The following EXOC6 variants were observed in gnomAD, a reference collection of about 807,000 sequenced individuals.
EXOC6 encodes SEC15-like 1.
A neutral mutation model predicts 112.5 loss-of-function variants in EXOC6; 60 were observed. The observed-to-expected ratio is 0.53, with a 90% CI of 0.43 to 0.66. The LOEUF (loss-of-function observed/expected upper bound fraction) is 0.66. Ranked by LOEUF, EXOC6 falls within the 30% of genes least tolerant of loss-of-function variation. The pLI is 0.00. For synonymous variants in EXOC6, 295 were observed against 308.0 expected (o/e 0.96, Z 0.44); for missense variants, 855 against 957.1 (o/e 0.89, Z 1.41).
chr10:93,053,691 C>T (rs1159159894), intron 20 of EXOC6, among the ~76,000 whole-genome samples: 1 of 152,184 alleles, frequency 6.6e-6, no homozygotes, highest in African/African-American at 2.4e-5. Context: ...AAAAAGCTCC[C>T]AAGGAAACTT....
At chr10:92,914,025 C>G (rs1236341047) in intron 6 of EXOC6, among the ~76,000 whole-genome samples, 1 of 152,134 alleles carries the variant, frequency 6.6e-6, no homozygotes, top group African/African-American at 2.4e-5. Context: ...ATATTGCTCT[C>G]TAGGGCAGGG....
At chr10:92,873,364 A>G (rs77171129) in intron 1 of EXOC6, among the ~76,000 whole-genome samples, 123 of 152,318 alleles carry the variant, frequency 8.1e-4, no homozygotes, top group African/African-American at 2.9e-3. Flanking sequence ...ATAGGAGGCA[A>G]TGTTAACTAA....
At chr10:92,828,659 T>C (rs766054876) in intron 1 of EXOC6, among the ~76,000 whole-genome samples, 1 of 146,220 alleles carries the variant, frequency 6.8e-6, no homozygotes, top group Non-Finnish European at 1.5e-5. Context: ...TTTAATAGAC[T>C]TCTATTTCTA....
intron 2 of EXOC6, among the ~76,000 whole-genome samples, 180 bp from the exon 3 acceptor site, chr10:92,894,614 T>C (rs141603992): frequency 6.6e-6 from 1 of 152,290 alleles, no homozygotes; most frequent in Non-Finnish European, 1.5e-5. Context: ...TCATAAGTAA[T>C]TGAAGTTAAC....
At chr10:92,937,953 T>G (rs960479756) in intron 12 of EXOC6, among the ~76,000 whole-genome samples, 22 of 152,162 alleles carry the variant, frequency 1.4e-4, no homozygotes, top group Admixed American at 9.8e-4. Flanking sequence ...CCTCAGAATG[T>G]AAATTAACTA....
At chr10:92,975,398 C>G (rs1195461977) in intron 18 of EXOC6, among the ~76,000 whole-genome samples, 1 of 144,150 alleles carries the variant, frequency 6.9e-6, no homozygotes, top group South Asian at 2.3e-4. Flanking sequence ...AGTGAGGAGC[C>G]CCTCCGCCCG....
At chr10:93,037,093 T>C (rs1845546855) in intron 20 of EXOC6, among the ~76,000 whole-genome samples, 1 of 152,170 alleles carries the variant, frequency 6.6e-6, no homozygotes, top group South Asian at 2.1e-4. Context: ...GAGCTATATC[T>C]TTTCTCTCAA....
chr10:92,902,081 T>C (rs954011361), intron 5 of EXOC6, among the ~76,000 whole-genome samples: 14 of 147,394 alleles, frequency 9.5e-5, no homozygotes, highest in African/African-American at 1.7e-4. Context: ...CACACACACA[T>C]ACACACACAC....
At chr10:92,988,775 G>A (rs1183136453) in intron 18 of EXOC6, among the ~76,000 whole-genome samples, 1 of 147,944 alleles carries the variant, frequency 6.8e-6, no homozygotes, top group Non-Finnish European at 1.5e-5. Flanking sequence ...CTGCTGACAT[G>A]ACAAAACCCC....
chr10:93,014,821 T>C (rs550214583), intron 20 of EXOC6, among the ~76,000 whole-genome samples: 1 of 152,318 alleles, frequency 6.6e-6, no homozygotes, highest in South Asian at 2.1e-4. Flanking sequence ...GTAACAAATA[T>C]GGTCATTTAA....
At chr10:92,954,763 A>G in intron 16 of EXOC6, 22 bp downstream of exon 16, 1 of 1,022,468 alleles carries the variant, frequency 9.8e-7, no homozygotes, top group Non-Finnish European at 1.5e-6. Flanking sequence ...AGACACATAT[A>G]GTGAAATGTT....
At chr10:92,887,600 C>T (rs936453058) in intron 1 of EXOC6, among the ~76,000 whole-genome samples, 9 of 151,564 alleles carry the variant, frequency 5.9e-5, no homozygotes, top group African/African-American at 2.2e-4. Context: ...GGGTTTCTAC[C>T]TGGCCTGTTG....
In EXOC6 at chr10:92,861,751, A is replaced by C. The variant is rs145218555; in HGVS notation, c.101+13117A>C. Among the ~76,000 whole-genome samples the C allele has an allele frequency of 3.6e-3, 546 of 152,332 alleles. 3 individuals are homozygous for C. The highest frequency in any genetic ancestry group is 0.013 in the African/African-American group (520 of 41,578). ...CAAACTCTTACTGTTCTTACCAAGTATGTAGTATATTTTCTTGGATAAATG... is the reference window on the plus strand; with the variant it reads ...CAAACTCTTACTGTTCTTACCAAGTCTGTAGTATATTTTCTTGGATAAATG... On this transcript the variant is annotated intron_variant, in intron 1 of 21. Coordinates refer to ENST00000260762, the MANE Select transcript of EXOC6 (RefSeq NM_019053.6).
In EXOC6 at chr10:92,890,297, A is replaced by G. The variant is rs918926453; in HGVS notation, c.102-3052A>G. On this transcript the variant is annotated intron_variant, in intron 1 of 21. Transcript: ENST00000260762. ...TGCTGTATGTGCTATTATTATCCTG[A>G]TTTTATGGTTGTGAAAACTGATACT... is the stretch of plus-strand genomic sequence containing the variant. Among the ~76,000 whole-genome samples, 4 of 152,102 alleles carry G rather than the reference A, an allele frequency of 2.6e-5. No individual in the cohort carries two copies. The South Asian group carries it at 8.3e-4, about 32-fold the overall frequency.
chr10:93,015,823 C>T (rs140512456), intron 20 of EXOC6, among the ~76,000 whole-genome samples: 1 of 151,734 alleles, frequency 6.6e-6, no homozygotes, highest in African/African-American at 2.4e-5. Flanking sequence ...ATTCTTATCT[C>T]CAAATTATGT....
chr10:93,008,121 G>A (rs1413546865), intron 19 of EXOC6, among the ~76,000 whole-genome samples: 2 of 152,108 alleles, frequency 1.3e-5, no homozygotes, highest in African/African-American at 2.4e-5. Flanking sequence ...GTTGCATTGA[G>A]CCAAAATTGT....
intron 8 of EXOC6, among the ~76,000 whole-genome samples, chr10:92,921,673 G>T (rs1851454820): frequency 6.7e-6 from 1 of 148,704 alleles, no homozygotes; most frequent in African/African-American, 2.5e-5. Context: ...TTTGAGATAG[G>T]GTCTTGCTCT....
intron 20 of EXOC6, among the ~76,000 whole-genome samples, chr10:93,029,747 T>G (rs1470611866): frequency 6.6e-6 from 1 of 152,216 alleles, no homozygotes; most frequent in Non-Finnish European, 1.5e-5. Flanking sequence ...TTCTGTAATT[T>G]TATTGTTTTA....
intron 4 of EXOC6, among the ~76,000 whole-genome samples, chr10:92,896,179 ATATT>A (rs1849806363): frequency 1.2e-3 from 16 of 13,076 alleles, no homozygotes; most frequent in East Asian, 0.012. Context: ...ATATATATAT[ATATT>A]TTTTTTTTTT....
Sources: allele counts gnomAD v4.1 joint callset (sites outside exome capture counted in the v4.1 genomes callset), GRCh38; gene constraint gnomAD v4.1.1; transcripts MANE v1.5; gene names NCBI Gene and HGNC (gene_info 2026-07-23, HGNC 2026-07-21).